RFTN1: variants seen among roughly 807,000 people sequenced by gnomAD.
The protein encoded by RFTN1 is raftlin, lipid raft linker 1, also known as raftlin.
In RFTN1, 26 loss-of-function variants were observed where a neutral mutation model predicts 46.5. That is an observed-to-expected ratio of 0.56 (90% CI 0.41 to 0.78). RFTN1 has a LOEUF of 0.78. Among genes scored for constraint, RFTN1 ranks in the 30% least tolerant of loss-of-function variants. The pLI, the probability that RFTN1 is intolerant of heterozygous loss-of-function variation, is 0.00. For missense variants in RFTN1, 693 were observed against 718.7 expected (o/e 0.96, Z 0.41); for synonymous variants, 261 against 284.2 (o/e 0.92, Z 0.82).
At position 16,317,317 on chromosome 3, in the gene RFTN1, C is replaced by T. The variant is rs1056240583; in HGVS notation, c.1333-85G>A. Reference sequence around the variant, plus strand: ...AAAGCCTTGTTTGCATTCATACCCACACCATGTCTGAGTGAGACATACAAT... The same window carrying T: ...AAAGCCTTGTTTGCATTCATACCCATACCATGTCTGAGTGAGACATACAAT... On this transcript the variant is annotated intron_variant, in intron 9 of 9. Coordinates refer to ENST00000334133, the MANE Select transcript of RFTN1 (RefSeq NM_015150.2). This position sits in a 1 kb window ranked among gnomAD's most constrained non-coding sequence, Gnocchi z 4.3. 7.1e-7 allele frequency: 1 copy of T among 1,406,246 alleles called. No homozygotes were observed. The highest frequency in any genetic ancestry group is 9.8e-7 in the Non-Finnish European group (1 of 1,022,866). 87.1% of individuals were successfully genotyped at this position (1,406,246 alleles called of 1,614,324 possible).
At chr3:16,476,860 A>G (rs1022505355) in intron 2 of RFTN1, among the ~76,000 whole-genome samples, 1 of 152,186 alleles carries the variant, frequency 6.6e-6, no homozygotes, top group African/African-American at 2.4e-5. Context: ...TTCAATTTAC[A>G]TTGCAAGCCT....
In RFTN1 at chr3:16,421,213, C is replaced by A. The variant is rs780225949; in HGVS notation, c.333-11730G>T. 6.6e-6 allele frequency among the ~76,000 whole-genome samples: 1 copy of A among 152,132 alleles called. No homozygotes were observed. Among genetic ancestry groups the A allele is most frequent in the East Asian group, 1.9e-4 (1 of 5,204 alleles). ...AAGTTCACACTATTAATAGCTAATA[C>A]CTCAAGGCAAAATATACACTTGAAA... On this transcript the variant is annotated intron_variant, in intron 3 of 9. Coordinates refer to ENST00000334133, the MANE Select transcript of RFTN1 (RefSeq NM_015150.2). The surrounding 1 kb of genome is among the most constrained non-coding windows in gnomAD (Gnocchi z 4.6).
At chr3:16,358,890 G>A (rs1176799472) in intron 6 of RFTN1, among the ~76,000 whole-genome samples, 1 of 151,850 alleles carries the variant, frequency 6.6e-6, no homozygotes, top group African/African-American at 2.4e-5. Flanking sequence ...AAATTAGCTG[G>A]GCGTGGCAGG....
At chr3:16,436,283 T>C (rs1434037418) in intron 2 of RFTN1, among the ~76,000 whole-genome samples, 2 of 152,068 alleles carry the variant, frequency 1.3e-5, no homozygotes, top group Non-Finnish European at 2.9e-5. Flanking sequence ...GAAATTTAGT[T>C]TTTGATGTAT....
intron 3 of RFTN1, among the ~76,000 whole-genome samples, chr3:16,414,867 G>A (rs1245922272): frequency 1.3e-5 from 2 of 152,218 alleles, no homozygotes; most frequent in Non-Finnish European, 2.9e-5. Context: ...CCGGGGCTCA[G>A]TGCAGAGGGG....
intron 3 of RFTN1, among the ~76,000 whole-genome samples, chr3:16,411,363 A>G (rs903394559): frequency 3.3e-5 from 5 of 152,242 alleles, no homozygotes; most frequent in African/African-American, 1.2e-4. Flanking sequence ...TAAAAGTGAA[A>G]AAAATGAAAG....
intron 2 of RFTN1, among the ~76,000 whole-genome samples, chr3:16,462,083 G>A (rs533395293): frequency 6.6e-6 from 1 of 152,186 alleles, no homozygotes; most frequent in Non-Finnish European, 1.5e-5. Flanking sequence ...AAGGAGGTCT[G>A]AAGCCCAAAT....
Position 16,382,067 on chromosome 3 carries a change from C to T in RFTN1, c.442-3965G>A, listed in dbSNP as rs1400573396. On this transcript the variant is annotated intron_variant, in intron 4 of 9. Coordinates refer to ENST00000334133, the MANE Select transcript of RFTN1 (RefSeq NM_015150.2). The surrounding 1 kb of genome is among the most constrained non-coding windows in gnomAD (Gnocchi z 4.7). ...AAAAGATGTCAAAGTTAAATGCTGC[C>T]CTTATCCTATGCATTCCAGGGAAAT... Among the ~76,000 whole-genome samples the T allele has an allele frequency of 1.3e-5, 2 of 152,134 alleles. No individual in the cohort carries two copies. Among genetic ancestry groups the T allele is most frequent in the African/African-American group, 2.4e-5 (1 of 41,432 alleles).
At chr3:16,417,220 T>C (rs2075099699) in intron 3 of RFTN1, among the ~76,000 whole-genome samples, 1 of 151,754 alleles carries the variant, frequency 6.6e-6, no homozygotes, top group South Asian at 2.1e-4. Context: ...TCTCCCTACG[T>C]TGCCCAGGCC....
chr3:16,317,138 T>C lies in RFTN1; in HGVS notation c.1427A>G (p.Glu476Gly), dbSNP rs1407885489. 1 of 1,613,696 alleles carries C rather than the reference T, an allele frequency of 6.2e-7. No individual in the cohort carries two copies. ...CTGGTCTTCTAAGTTCTTCTCATTTTCTTCTGCTTGTTGTTTGTCTCTGGC... is the reference window on the plus strand; with the variant it reads ...CTGGTCTTCTAAGTTCTTCTCATTTCCTTCTGCTTGTTGTTTGTCTCTGGC... ...LSARDKQQAE[E>G]NEKNLEDQSS... The change falls in exon 10 of 10, where the codon GAA (glutamate) becomes GGA (glycine). Residue 476 changes from glutamate (E) to glycine (G), a missense_variant. Transcript: ENST00000334133. This position sits in a 1 kb window ranked among gnomAD's most constrained non-coding sequence, Gnocchi z 4.3.
chr3:16,391,869 GTTT>G (rs576052890), intron 4 of RFTN1, among the ~76,000 whole-genome samples: 1,647 of 57,770 alleles, frequency 0.029, 49 homozygotes, highest in African/African-American at 0.056. Context: ...TTTTTTTTTT[GTTT>G]TTTTTTTTTG....
intron 2 of RFTN1, among the ~76,000 whole-genome samples, chr3:16,444,792 T>G (rs1173546919): frequency 6.6e-6 from 1 of 152,358 alleles, no homozygotes; most frequent in East Asian, 1.9e-4. Flanking sequence ...GAGTTTCACT[T>G]TGCAAACATT....
At chr3:16,368,539 C>T (rs1285122552) in intron 6 of RFTN1, among the ~76,000 whole-genome samples, 3 of 151,986 alleles carry the variant, frequency 2.0e-5, no homozygotes, top group Non-Finnish European at 2.9e-5. Flanking sequence ...TGCGTGGTGG[C>T]GGGTGCCTGT....
intron 3 of RFTN1, among the ~76,000 whole-genome samples, chr3:16,423,805 A>G (rs1167906004): frequency 2.6e-5 from 4 of 152,238 alleles, no homozygotes; most frequent in Non-Finnish European, 4.4e-5. Flanking sequence ...GCAATATATT[A>G]CAAATTCCCC....
At position 16,499,831 on chromosome 3, in the gene RFTN1, A is replaced by G. The variant is rs562990512; in HGVS notation, c.-8-5954T>C. Among the ~76,000 whole-genome samples the G allele has an allele frequency of 5.9e-5, 9 of 152,348 alleles. No homozygotes were observed. In the South Asian group the frequency reaches 1.9e-3, roughly 32 times the overall value. On this transcript the variant is annotated intron_variant, in intron 1 of 9. Coordinates refer to ENST00000334133, the MANE Select transcript of RFTN1 (RefSeq NM_015150.2). This position sits in a 1 kb window ranked among gnomAD's most constrained non-coding sequence, Gnocchi z 4.9. Reference sequence around the variant, plus strand: ...GGCTGATTATGAATGAAGTGGCTATAAACATTTGTGTAGAGGTTTTTATAT... The same window carrying G: ...GGCTGATTATGAATGAAGTGGCTATGAACATTTGTGTAGAGGTTTTTATAT...
rs2125324163 is a variant in RFTN1, at chr3:16,353,315, T to TA, written c.1146+4616dup. On this transcript the variant is annotated intron_variant, in intron 7 of 9. Coordinates refer to ENST00000334133, the MANE Select transcript of RFTN1 (RefSeq NM_015150.2). The surrounding 1 kb of genome is among the most constrained non-coding windows in gnomAD (Gnocchi z 5.4). ...AGAGCTGGAAAAATGCCCCCAGCCT[T>TA]AGAGAGGGGCAGGCAGGAGAGGGGC... Among the ~76,000 whole-genome samples, 1 of 152,076 alleles carries TA rather than the reference T, an allele frequency of 6.6e-6. No individual in the cohort carries two copies. The highest frequency in any genetic ancestry group is 1.9e-4 in the East Asian group (1 of 5,178).
At chr3:16,404,303 G>GTAATATATATTATATATAATATA (rs2074779141) in intron 4 of RFTN1, among the ~76,000 whole-genome samples, 1 of 10,146 alleles carries the variant, frequency 9.9e-5, no homozygotes, top group Non-Finnish European at 2.0e-4. Flanking sequence ...TATATAATAT[G>GTAATATATATTATATATAATATA]TAATATATAT....
intron 2 of RFTN1, among the ~76,000 whole-genome samples, chr3:16,486,047 G>A (rs186357327): frequency 1.3e-5 from 2 of 152,258 alleles, no homozygotes; most frequent in Admixed American, 6.5e-5. Flanking sequence ...TCAGCATCTG[G>A]CTGTGGGGAA....
chr3:16,375,382 G>T (rs1482864205), intron 5 of RFTN1, among the ~76,000 whole-genome samples: 1 of 151,898 alleles, frequency 6.6e-6, no homozygotes, highest in Non-Finnish European at 1.5e-5. Flanking sequence ...AACTATATGG[G>T]GGTATAAAAG....
Sources: allele counts gnomAD v4.1 joint callset (sites outside exome capture counted in the v4.1 genomes callset), GRCh38; gene constraint gnomAD v4.1.1; non-coding constraint Gnocchi (gnomAD v3.1); transcripts MANE v1.5; gene names NCBI Gene and HGNC (gene_info 2026-07-23, HGNC 2026-07-21).